Variants in PRDM1 observed in about 807,000 individuals in gnomAD.
The protein encoded by PRDM1 is PR/SET domain 1.
A neutral mutation model predicts 62.8 loss-of-function variants in PRDM1; 13 were observed. The observed-to-expected ratio is 0.21, with a 90% confidence interval of 0.13 to 0.33. The LOEUF (loss-of-function observed/expected upper bound fraction) is 0.33, where lower values mean the gene tolerates loss of function less well. Among genes scored for constraint, PRDM1 ranks in the 10% least tolerant of loss-of-function variants. The probability of loss-of-function intolerance (pLI) is 1.00; values close to 1 mark genes in which losing one functional copy is unlikely to be tolerated. For missense variants in PRDM1, 895 were observed against 1,058.8 expected (o/e 0.85, Z 2.15); for synonymous variants, 396 against 417.6 (o/e 0.95, Z 0.63).
At chr6:106,008,110 C>T (rs1017230124) in intron 1 of PRDM1, among the ~76,000 whole-genome samples, 2 of 152,200 alleles carry the variant, frequency 1.3e-5, no homozygotes, top group East Asian at 1.9e-4. Flanking sequence ...CGGTGGCTCA[C>T]GCCTGTAATC....
chr6:106,099,108 G>A (rs768350340), intron 3 of PRDM1, 192 bp from the exon 4 acceptor site: 3 of 1,613,924 alleles, frequency 1.9e-6, no homozygotes, highest in Non-Finnish European at 2.5e-6. Flanking sequence ...ACTGACAAAA[G>A]TGTGCCTTAC....
chr6:106,089,301 A>C (rs1464618937), intron 2 of PRDM1, among the ~76,000 whole-genome samples: 10 of 152,230 alleles, frequency 6.6e-5, no homozygotes, highest in Non-Finnish European at 1.0e-4. Flanking sequence ...ACCCCTCAGC[A>C]GACTTCCCAT....
At chr6:106,037,289 G>A (rs1337219687) in intron 1 of PRDM1, among the ~76,000 whole-genome samples, 2 of 152,080 alleles carry the variant, frequency 1.3e-5, no homozygotes, top group Non-Finnish European at 2.9e-5. Flanking sequence ...AGGATTTCTT[G>A]TAAATGATGA....
Position 106,098,094 on chromosome 6 carries a change from C to G in PRDM1, c.412-1206C>G, listed in dbSNP as rs917525293. The stretch of plus-strand genomic sequence containing the variant: ...GCGAAATACAGAAACTATCTGTAGA[C>G]TAGCATAGTCGGTACGTGAGTAAGG... On this transcript the variant is annotated intron_variant, in intron 3 of 6. Coordinates refer to ENST00000369096, the MANE Select transcript of PRDM1 (RefSeq NM_001198.4). The G allele has an allele frequency of 2.7e-4, 134 of 503,920 alleles. 1 individual carries two copies. The highest frequency in any genetic ancestry group is 3.3e-4 in the Non-Finnish European group (130 of 390,032). The allele number at this position is 503,920 out of a possible 1,614,324, so 31.2% of individuals were successfully genotyped here.
At chr6:105,996,462 G>T (rs138135863) in intron 1 of PRDM1, among the ~76,000 whole-genome samples, 1 of 152,098 alleles carries the variant, frequency 6.6e-6, no homozygotes, top group Non-Finnish European at 1.5e-5. Flanking sequence ...ACTCTATATG[G>T]TGTGTTGAAG....
chr6:106,106,523 C>T lies in PRDM1; in HGVS notation c.1902+24C>T. The T allele has an allele frequency of 6.2e-7, 1 of 1,613,606 alleles. No individual in the cohort carries two copies. The highest frequency in any genetic ancestry group is 1.1e-5 in the South Asian group (1 of 91,066). ...AGGTGCGCAGTATTTTCTGGGTAGACCTTCTGACCTTTGTAGAAAATGTCT... is the reference window on the plus strand; with the variant it reads ...AGGTGCGCAGTATTTTCTGGGTAGATCTTCTGACCTTTGTAGAAAATGTCT... On this transcript the variant is annotated intron_variant, in intron 6 of 6. Coordinates refer to ENST00000369096, the MANE Select transcript of PRDM1 (RefSeq NM_001198.4). The surrounding 1 kb of genome is among the most constrained non-coding windows in gnomAD (Gnocchi z 4.4).
chr6:106,098,431 T>G (rs1774172452), intron 3 of PRDM1: 1 of 985,368 alleles, frequency 1.0e-6, no homozygotes, highest in East Asian at 1.1e-4. Context: ...AGGACAAACT[T>G]CAAATTCTTC....
intron 1 of PRDM1, among the ~76,000 whole-genome samples, chr6:106,011,453 T>C (rs1772547582): frequency 6.6e-6 from 1 of 152,186 alleles, no homozygotes; most frequent in African/African-American, 2.4e-5. Context: ...CCTGGGTCTG[T>C]CCAGGTTGCT....
chr6:106,090,939 A>ATTT (rs1366774319), intron 2 of PRDM1, among the ~76,000 whole-genome samples: 1 of 149,406 alleles, frequency 6.7e-6, no homozygotes, highest in African/African-American at 2.5e-5. Flanking sequence ...CTTGACCCTC[A>ATTT]TTTTTAGATT....
intron 3 of PRDM1, chr6:106,098,114 G>A: frequency 2.7e-6 from 2 of 736,532 alleles, no homozygotes; most frequent in Non-Finnish European, 3.3e-6. Flanking sequence ...CGGTACGTGA[G>A]TAAGGAAAAG....
intron 1 of PRDM1, 198 bp from the exon 2 acceptor site, chr6:106,088,003 C>G: frequency 1.3e-5 from 2 of 149,602 alleles, no homozygotes; most frequent in Non-Finnish European, 2.4e-5. Context: ...TTTTTTTTAA[C>G]TAAGAGTAGC....
intron 4 of PRDM1, 132 bp from the exon 5 acceptor site, chr6:106,104,693 T>C (rs1774389453): frequency 8.4e-7 from 1 of 1,196,428 alleles, no homozygotes; most frequent in African/African-American, 1.5e-5. Flanking sequence ...GAGAGTGCGT[T>C]GGAAGCCAGA....
chr6:106,087,532 A>G (rs1195407897), intron 1 of PRDM1: 1 of 232,648 alleles, frequency 4.3e-6, no homozygotes, highest in Non-Finnish European at 8.5e-6. Context: ...CCTGTGGTCC[A>G]AGTGATTTCT....
intron 4 of PRDM1, among the ~76,000 whole-genome samples, chr6:106,102,819 T>C (rs1774313308): frequency 6.6e-6 from 1 of 152,226 alleles, no homozygotes; most frequent in African/African-American, 2.4e-5. Context: ...TTTTTTGTAT[T>C]TCCATTTTAT....
chr6:106,105,354 C>T lies in PRDM1; in HGVS notation c.1194C>T (p.Leu398=), dbSNP rs1774436473. ...SYPGYAPLPH[L]PPAFIPSYNA... ...CTGGCTACGCACCCCTGCCCCACCT[C>T]CCGCCAGCTTTCATCCCCTCGTACA... Residue 398 remains leucine, a synonymous_variant, in exon 5 of 7, where the codon CTC becomes CTT. Transcript: ENST00000369096. 2 of 1,613,726 alleles carry T rather than the reference C, an allele frequency of 1.2e-6. No individual in the cohort carries two copies. The highest frequency in any genetic ancestry group is 4.5e-5 in the East Asian group (2 of 44,864).
intron 1 of PRDM1, among the ~76,000 whole-genome samples, chr6:106,077,175 CAG>C (rs1316656425): frequency 1.1e-4 from 17 of 152,128 alleles, no homozygotes; most frequent in Admixed American, 2.0e-4. Context: ...TCTAGAAAAA[CAG>C]AAAGTACATT....
intron 1 of PRDM1, among the ~76,000 whole-genome samples, chr6:106,049,571 C>A (rs1773137372): frequency 6.6e-6 from 1 of 152,178 alleles, no homozygotes. Context: ...TCCGATGACA[C>A]CTTCTCCACC....
intron 1 of PRDM1, among the ~76,000 whole-genome samples, chr6:106,023,763 A>G (rs1050667466): frequency 4.6e-5 from 7 of 152,194 alleles, no homozygotes; most frequent in African/African-American, 1.4e-4. Context: ...GGAATCTGCT[A>G]GCTGATATTT....
At position 106,105,175 on chromosome 6, in the gene PRDM1, G is replaced by A. The variant is rs2114652993; in HGVS notation, c.1015G>A (p.Ala339Thr). Residue 339 changes from alanine (A) to threonine (T), a missense_variant, in exon 5 of 7, where the codon GCA (alanine) becomes ACA (threonine). Ala to Thr is a moderately conservative substitution (Grantham distance 58). Coordinates refer to ENST00000369096, the MANE Select transcript of PRDM1 (RefSeq NM_001198.4). ...IPSSTTPSPS[A>T]RSSPDQSLKS... is the part of the protein sequence containing the mutation. ...ATCCTCCACCACTCCAAGCCCCTCT[G>A]CAAGAAGCAGCCCCGACCAAAGCCT... 1 of 1,613,098 alleles carries A rather than the reference G, an allele frequency of 6.2e-7. No individual in the cohort carries two copies. Among genetic ancestry groups the A allele is most frequent in the Non-Finnish European group, 8.5e-7 (1 of 1,179,706 alleles).
Sources: allele counts gnomAD v4.1 joint callset (sites outside exome capture counted in the v4.1 genomes callset), GRCh38; gene constraint gnomAD v4.1.1; non-coding constraint Gnocchi (gnomAD v3.1); transcripts MANE v1.5; gene names NCBI Gene and HGNC (gene_info 2026-07-23, HGNC 2026-07-21).